The following LRRC37A2 variants were observed in gnomAD, a reference collection of about 807,000 sequenced individuals.
The protein encoded by LRRC37A2 is leucine rich repeat containing 37 member A2.
Under a neutral mutation model 68.8 loss-of-function variants are expected in LRRC37A2, and 9 were observed. That is an observed-to-expected ratio of 0.13 (90% CI 0.08 to 0.23). LRRC37A2 has a LOEUF of 0.23. LRRC37A2 is among the 10% of genes least tolerant of loss of function. The pLI, the probability that LRRC37A2 is intolerant of heterozygous loss-of-function variation, is 1.00. For synonymous variants in LRRC37A2, 63 were observed against 367.6 expected (o/e 0.17, Z 9.48); for missense variants, 168 against 950.4 (o/e 0.18, Z 10.82).
the LRRC37A2 span, among the ~76,000 whole-genome samples, chr17:46,906,139 CA>C: frequency 6.6e-6 from 1 of 152,182 alleles, no homozygotes; most frequent in African/African-American, 2.4e-5. Context: ...GCCCAGCCCC[CA>C]CTCCTGAGAT....
chr17:46,788,415 G>A, the LRRC37A2 span, among the ~76,000 whole-genome samples: 11 of 152,266 alleles, frequency 7.2e-5, no homozygotes, highest in African/African-American at 2.4e-4. Flanking sequence ...CCAGGACTTT[G>A]CTGGGTCCCC....
chr17:46,741,029 TG>T, the LRRC37A2 span, among the ~76,000 whole-genome samples: 411 of 152,254 alleles, frequency 2.7e-3, no homozygotes, highest in Admixed American at 6.0e-3. Context: ...ATGGGGCTTG[TG>T]GGGGCAGGGG....
the LRRC37A2 span, among the ~76,000 whole-genome samples, chr17:46,621,313 G>T: frequency 7.1e-6 from 1 of 140,630 alleles, no homozygotes; most frequent in Admixed American, 7.2e-5. Flanking sequence ...TTGAGATAGG[G>T]TCTCGCTCTG....
At chr17:47,019,634 G>A in the LRRC37A2 span, 3 of 1,430,996 alleles carry the variant, frequency 2.1e-6, no homozygotes, top group Non-Finnish European at 3.0e-6. Context: ...TCCAAGATAA[G>A]GCTTTAACTG....
the LRRC37A2 span, among the ~76,000 whole-genome samples, chr17:46,890,665 G>C: frequency 6.6e-6 from 1 of 152,236 alleles, no homozygotes; most frequent in Non-Finnish European, 1.5e-5. Context: ...GGCATGGCCT[G>C]TCTTTGTGAT....
At chr17:46,779,103 A>ACACACCCCCCC in the LRRC37A2 span, among the ~76,000 whole-genome samples, 8 of 133,650 alleles carry the variant, frequency 6.0e-5, no homozygotes, top group East Asian at 7.7e-4. Flanking sequence ...ACACACACAC[A>ACACACCCCCCC]CCCCAGCCCA....
chr17:46,889,362 A>G, the LRRC37A2 span, among the ~76,000 whole-genome samples: 22 of 152,108 alleles, frequency 1.4e-4, no homozygotes, highest in Non-Finnish European at 1.6e-4. Context: ...TCTGACCCCC[A>G]GAGAGCTGTG....
the LRRC37A2 span, among the ~76,000 whole-genome samples, chr17:46,843,010 G>T: frequency 6.6e-6 from 1 of 152,198 alleles, no homozygotes; most frequent in Non-Finnish European, 1.5e-5. Flanking sequence ...GCAACCTCAG[G>T]TAAATTATCC....
chr17:46,836,095 C>CGTGTGTGTGTGTGTGTGTGTGTGTGTGT, the LRRC37A2 span, among the ~76,000 whole-genome samples: 126 of 126,500 alleles, frequency 1.0e-3, 2 homozygotes, highest in East Asian at 7.5e-3. Flanking sequence ...GAGACGCTGA[C>CGTGTGTGTGTGTGTGTGTGTGTGTGTGT]GTGTGTGTGT....
chr17:46,901,100 G>C, the LRRC37A2 span, among the ~76,000 whole-genome samples: 1 of 152,148 alleles, frequency 6.6e-6, no homozygotes, highest in Admixed American at 6.5e-5. Flanking sequence ...GAAGATGTTT[G>C]AGGTAGAGGG....
At chr17:46,990,674 CT>C in the LRRC37A2 span, among the ~76,000 whole-genome samples, 29,980 of 149,546 alleles carry the variant, frequency 0.2, 4,095 homozygotes, top group East Asian at 0.61. Flanking sequence ...ACACAAAATG[CT>C]TTTTTTTTTT....
At chr17:47,000,627 T>C in the LRRC37A2 span, among the ~76,000 whole-genome samples, 1 of 152,162 alleles carries the variant, frequency 6.6e-6, no homozygotes, top group African/African-American at 2.4e-5. Context: ...CTTCTCTCCT[T>C]TCCCTCTCTC....
the LRRC37A2 span, among the ~76,000 whole-genome samples, chr17:46,443,805 T>TTTATTATTA: frequency 6.8e-4 from 15 of 22,110 alleles, 3 homozygotes; most frequent in African/African-American, 2.8e-3. Flanking sequence ...TACATTTCTT[T>TTTATTATTA]TTATTATTAT....
At chr17:46,799,006 C>G in the LRRC37A2 span, among the ~76,000 whole-genome samples, 2 of 149,568 alleles carry the variant, frequency 1.3e-5, no homozygotes, top group African/African-American at 2.5e-5. Context: ...CAAGATCACA[C>G]CACTGTACTC....
the LRRC37A2 span, among the ~76,000 whole-genome samples, chr17:46,865,856 C>T: frequency 2.0e-5 from 3 of 152,184 alleles, no homozygotes; most frequent in Non-Finnish European, 4.4e-5. Flanking sequence ...AAGTGATTCA[C>T]CTGCCTTGAC....
At chr17:46,839,957 T>TC in the LRRC37A2 span, among the ~76,000 whole-genome samples, 46 of 142,348 alleles carry the variant, frequency 3.2e-4, no homozygotes, top group African/African-American at 1.1e-3. Flanking sequence ...TCTTTCTTTC[T>TC]TTCTTTCTTT....
At chr17:46,936,777 CG>C in the LRRC37A2 span, 2 of 981,420 alleles carry the variant, frequency 2.0e-6, no homozygotes, top group South Asian at 4.7e-5. Context: ...GTCACTATCT[CG>C]GGGAAAAAAA....
the LRRC37A2 span, among the ~76,000 whole-genome samples, chr17:46,780,243 G>T: frequency 1.3e-5 from 2 of 152,206 alleles, no homozygotes; most frequent in Non-Finnish European, 2.9e-5. Flanking sequence ...CCAATCCCCT[G>T]CTGATGGGGG....
the LRRC37A2 span, among the ~76,000 whole-genome samples, chr17:46,780,899 A>G: frequency 3.3e-5 from 5 of 152,182 alleles, no homozygotes; most frequent in African/African-American, 1.2e-4. Flanking sequence ...TGAATGGATA[A>G]ACAACAGGTG....
Sources: gnomAD v4.1 joint callset for allele counts (sites outside exome capture counted in the v4.1 genomes callset) on GRCh38, gnomAD v4.1.1 for gene constraint, MANE v1.5 for transcripts, NCBI Gene and HGNC (gene_info 2026-07-23, HGNC 2026-07-21) for gene names.